Variants in PNLIPRP3 observed in about 807,000 individuals in gnomAD.
PNLIPRP3 encodes the protein pancreatic lipase related protein 3, also known as pancreatic lipase-related protein 3.
In PNLIPRP3, 58 loss-of-function variants were observed where a neutral mutation model predicts 52.8. That is an observed-to-expected ratio of 1.10 (90% CI 0.89 to 1.37). The LOEUF is 1.37. Ranked by LOEUF, PNLIPRP3 falls within the 40% of genes most tolerant of loss-of-function variation. PNLIPRP3 has a pLI of 0.00. For missense variants in PNLIPRP3, 593 were observed against 561.6 expected (o/e 1.06, Z -0.57); for synonymous variants, 192 against 185.0 (o/e 1.04, Z -0.31).
chr10:116,444,276 C>G (rs560453213), intron 3 of PNLIPRP3, 106 bp from the exon 4 acceptor site: 12 of 969,534 alleles, frequency 1.2e-5, no homozygotes, highest in Non-Finnish European at 1.5e-5. Flanking sequence ...AAAGTCTAAC[C>G]ATATCAACCT....
chr10:116,476,908 C>A, intron 11 of PNLIPRP3, 89 bp downstream of exon 11: 1 of 1,353,808 alleles, frequency 7.4e-7, no homozygotes, highest in Non-Finnish European at 9.9e-7. Context: ...GTGCAAGTAG[C>A]ATAAAAATTT....
rs750031752 is a variant in PNLIPRP3 at position 116,471,825 on chromosome 10, T to C, written c.1118T>C (p.Val373Ala). ...LSGSEVTQGT[V>A]FLRVGGAVRK... ...GGAAGCGAAGTCACTCAAGGAACTG[T>C]CTTTCTTCGTGTAGGCGGGGCAGTT... is the stretch of plus-strand genomic sequence containing the variant. The change falls in exon 10 of 12, where the codon GTC (valine) becomes GCC (alanine). Residue 373 changes from valine (V) to alanine (A), a missense_variant. Transcript: ENST00000369230. 1 of 1,612,036 alleles carries C rather than the reference T, an allele frequency of 6.2e-7. No individual in the cohort carries two copies. The highest frequency in any genetic ancestry group is 1.1e-5 in the South Asian group (1 of 90,846).
intron 5 of PNLIPRP3, 24 bp from the exon 6 acceptor site, chr10:116,460,942 A>G (rs1846182238): frequency 8.7e-6 from 14 of 1,611,078 alleles, no homozygotes; most frequent in Non-Finnish European, 1.1e-5. Flanking sequence ...TCCATAGAAC[A>G]TGTCTTGGTT....
intron 4 of PNLIPRP3, among the ~76,000 whole-genome samples, chr10:116,451,559 C>G (rs1846038040): frequency 6.6e-6 from 1 of 152,114 alleles, no homozygotes; most frequent in Non-Finnish European, 1.5e-5. Flanking sequence ...TTAGTGCCAT[C>G]CTCTTGATGA....
At chr10:116,471,929 A>T in intron 10 of PNLIPRP3, 50 bp downstream of exon 10, 5 of 1,136,134 alleles carry the variant, frequency 4.4e-6, no homozygotes, top group Non-Finnish European at 6.5e-6. Flanking sequence ...GGGCTCAGTA[A>T]CACTAAGTGA....
chr10:116,461,129 G>T, intron 6 of PNLIPRP3, 39 bp from the exon 7 acceptor site: 1 of 1,614,106 alleles, frequency 6.2e-7, no homozygotes, highest in South Asian at 1.1e-5. Context: ...GCATAGAGGA[G>T]ATTTTTAGAG....
intron 9 of PNLIPRP3, among the ~76,000 whole-genome samples, chr10:116,471,326 T>C (rs1487414796): frequency 6.6e-6 from 1 of 152,142 alleles, no homozygotes; most frequent in Non-Finnish European, 1.5e-5. Context: ...TCTAAATGAT[T>C]ATAAAAGCAT....
intron 4 of PNLIPRP3, among the ~76,000 whole-genome samples, chr10:116,447,958 CAA>C (rs35367938): frequency 7.3e-3 from 789 of 108,454 alleles, no homozygotes; most frequent in Non-Finnish European, 0.011. Flanking sequence ...GAGACTCCAT[CAA>C]AAAAAAAAAA....
chr10:116,432,295 G>A (rs570669921), intron 1 of PNLIPRP3, among the ~76,000 whole-genome samples: 1 of 152,264 alleles, frequency 6.6e-6, no homozygotes, highest in East Asian at 1.9e-4. Flanking sequence ...TTTAGAGAGT[G>A]GAAATTAGGA....
In PNLIPRP3 at chr10:116,469,236, G is replaced by T; in HGVS notation, c.979G>T (p.Ala327Ser). Residue 327 changes from alanine (A) to serine (S), a missense_variant, in exon 9 of 12, where the codon GCT becomes TCT. Physicochemically the swap from Ala to Ser is moderately conservative, Grantham distance 99. Transcript: ENST00000369230. Reference sequence around the variant, plus strand: ...AGGTTGCCCAACAATGGGTCATTTTGCTGATAGATTTCACTTCAAAAATAT... The same window carrying T: ...AGGTTGCCCAACAATGGGTCATTTTTCTGATAGATTTCACTTCAAAAATAT... ...KEGCPTMGHF[A>S]DRFHFKNMKT... 6.2e-7 allele frequency: 1 copy of T among 1,612,142 alleles called. No individual in the cohort carries two copies. The highest frequency in any genetic ancestry group is 8.5e-7 in the Non-Finnish European group (1 of 1,179,258).
chr10:116,455,749 G>T lies in PNLIPRP3; in HGVS notation c.484G>T (p.Val162Leu), dbSNP rs143884799. Residue 162 changes from valine to leucine, a missense_variant, in exon 5 of 12, where the codon GTG (valine) becomes TTG (leucine). Transcript: ENST00000369230. The part of the protein sequence containing the change: ...MKKFEYSPSK[V>L]HLIGHSLGAH... ...AAAATTTGAATATTCCCCTTCTAAAGTGCACTTGATTGGCCACAGCTTGGG... is the reference window on the plus strand; with the variant it reads ...AAAATTTGAATATTCCCCTTCTAAATTGCACTTGATTGGCCACAGCTTGGG... The T allele has an allele frequency of 1.9e-4, 311 of 1,613,580 alleles. 1 individual carries two copies. The East Asian group carries it at 6.1e-3, about 32-fold the overall frequency.
In PNLIPRP3 at chr10:116,466,168, A is replaced by C; in HGVS notation, c.927A>C (p.Ala309=). Residue 309 remains alanine (A), a splice_region_variant and synonymous_variant, in exon 8 of 12, where the codon GCA becomes GCC. Coordinates refer to ENST00000369230, the MANE Select transcript of PNLIPRP3 (RefSeq NM_001011709.3). ...GTAGATCCTACACATCTTTTAAAGC[A>C]GTAAGTAAATCATCTTACTTGGAAT... The part of the protein sequence containing the change: ...YPCRSYTSFK[A]GNCFFCSKEG... The C allele has an allele frequency of 2.5e-6, 4 of 1,574,778 alleles. No homozygotes were observed. Among genetic ancestry groups the C allele is most frequent in the Non-Finnish European group, 3.5e-6 (4 of 1,149,542 alleles).
At chr10:116,462,012 G>A (rs1325708695) in intron 7 of PNLIPRP3, among the ~76,000 whole-genome samples, 1 of 152,122 alleles carries the variant, frequency 6.6e-6, no homozygotes, top group Non-Finnish European at 1.5e-5. Flanking sequence ...AATAACACAG[G>A]ACTTTGTGGA....
intron 9 of PNLIPRP3, among the ~76,000 whole-genome samples, chr10:116,471,430 T>C (rs542903341): frequency 6.6e-6 from 1 of 152,236 alleles, no homozygotes; most frequent in African/African-American, 2.4e-5. Context: ...ATACATACTA[T>C]ATATATGCCA....
intron 4 of PNLIPRP3, among the ~76,000 whole-genome samples, chr10:116,446,501 A>C (rs1488056851): frequency 1.3e-5 from 2 of 152,172 alleles, no homozygotes; most frequent in African/African-American, 4.8e-5. Context: ...AACTGGTGGA[A>C]AAAAATGGAA....
At chr10:116,464,429 A>G (rs1270139398) in intron 7 of PNLIPRP3, among the ~76,000 whole-genome samples, 2 of 152,170 alleles carry the variant, frequency 1.3e-5, no homozygotes, top group African/African-American at 4.8e-5. Flanking sequence ...TGCTGGGCTC[A>G]CCACTGGACT....
rs954954313 is a variant in PNLIPRP3, at chr10:116,443,118, C to A, written c.268C>A (p.Arg90Ser). The A allele has an allele frequency of 3.7e-6, 6 of 1,611,614 alleles. No homozygotes were observed. In the South Asian group the frequency reaches 6.6e-5, roughly 18 times the overall value. Residue 90 changes from arginine (R) to serine (S), a missense_variant, in exon 3 of 12, where the codon CGT (arginine) becomes AGT (serine). Coordinates refer to ENST00000369230, the MANE Select transcript of PNLIPRP3 (RefSeq NM_001011709.3). ...ASYFGTDKITRINIAGWKTDG... is the reference protein window; with the variant it reads ...ASYFGTDKITSINIAGWKTDG... ...ATATTTTGGAACAGACAAGATCACCCGTATCAACATAGCTGGATGGAAAAC... is the reference window on the plus strand; with the variant it reads ...ATATTTTGGAACAGACAAGATCACCAGTATCAACATAGCTGGATGGAAAAC...
intron 4 of PNLIPRP3, among the ~76,000 whole-genome samples, chr10:116,444,756 C>G (rs946643149): frequency 3.3e-5 from 5 of 152,200 alleles, no homozygotes; most frequent in African/African-American, 1.2e-4. Context: ...AAACTGCCCC[C>G]GCAAGGTCAC....
intron 4 of PNLIPRP3, among the ~76,000 whole-genome samples, chr10:116,453,683 T>C (rs1245673385): frequency 6.6e-6 from 1 of 152,072 alleles, no homozygotes; most frequent in Non-Finnish European, 1.5e-5. Context: ...CCCTCCCCAC[T>C]TGCCTTTTAC....
Sources: allele counts gnomAD v4.1 joint callset (sites outside exome capture counted in the v4.1 genomes callset), GRCh38; gene constraint gnomAD v4.1.1; transcripts MANE v1.5; gene names NCBI Gene and HGNC (gene_info 2026-07-23, HGNC 2026-07-21).